KCTD16: variants seen among roughly 807,000 people sequenced by gnomAD.
The protein encoded by KCTD16 is BTB/POZ domain-containing protein KCTD16.
KCTD16 carries 13 observed loss-of-function variants against 33.2 expected under a neutral mutation model. That is an observed-to-expected ratio of 0.39 (90% CI 0.25 to 0.62). The LOEUF (loss-of-function observed/expected upper bound fraction) is 0.62, where lower values mean the gene tolerates loss of function less well. Among genes scored for constraint, KCTD16 ranks in the 20% least tolerant of loss-of-function variants. KCTD16 has a pLI of 0.50. For synonymous variants in KCTD16, 197 were observed against 195.3 expected, an observed-to-expected ratio of 1.01 and a Z score of -0.07; for missense variants, 441 against 525.1, an observed-to-expected ratio of 0.84 and a Z score of 1.57.
At chr5:144,195,416 T>C (rs1752922298) in intron 2 of KCTD16, among the ~76,000 whole-genome samples, 1 of 152,342 alleles carries the variant, frequency 6.6e-6, no homozygotes. Flanking sequence ...TGCAGCCTGC[T>C]TGCTACCATC....
At chr5:144,350,104 T>A (rs1280434221) in intron 3 of KCTD16, among the ~76,000 whole-genome samples, 1 of 152,210 alleles carries the variant, frequency 6.6e-6, no homozygotes, top group African/African-American at 2.4e-5. Context: ...GCTACAGAAT[T>A]ATCCAGAATA....
intron 3 of KCTD16, among the ~76,000 whole-genome samples, chr5:144,394,378 G>A (rs979922672): frequency 3.9e-5 from 6 of 152,118 alleles, no homozygotes; most frequent in Admixed American, 3.9e-4. Context: ...AGGAAGTCCA[G>A]GTTTCTTGAG....
At chr5:144,184,065 C>T (rs967492811) in intron 2 of KCTD16, among the ~76,000 whole-genome samples, 10 of 152,050 alleles carry the variant, frequency 6.6e-5, no homozygotes, top group Admixed American at 6.5e-5. Context: ...ACTATAAAGA[C>T]GTACTTTTTA....
chr5:144,331,248 A>G (rs29896), intron 3 of KCTD16, among the ~76,000 whole-genome samples: 42,050 of 152,032 alleles, frequency 0.28, 5,998 homozygotes, highest in Non-Finnish European at 0.3. Context: ...GGTCTTGTGG[A>G]CATGGTCTTT....
chr5:144,432,063 T>G (rs1184280531), intron 3 of KCTD16, among the ~76,000 whole-genome samples: 1 of 152,208 alleles, frequency 6.6e-6, no homozygotes, highest in African/African-American at 2.4e-5. Context: ...TGTGGTACTT[T>G]CTTCTTTTTC....
chr5:144,248,501 G>A (rs1754610275), intron 3 of KCTD16, among the ~76,000 whole-genome samples: 1 of 152,172 alleles, frequency 6.6e-6, no homozygotes, highest in Admixed American at 6.5e-5. Context: ...TAAGATGGGA[G>A]AACAATAGAA....
intron 3 of KCTD16, among the ~76,000 whole-genome samples, chr5:144,300,289 G>T (rs1751397453): frequency 6.6e-6 from 1 of 152,140 alleles, no homozygotes; most frequent in Non-Finnish European, 1.5e-5. Flanking sequence ...AAGATATTTT[G>T]TATCTGGCAT....
chr5:144,230,465 A>G lies in KCTD16; in HGVS notation c.832+22919A>G, dbSNP rs377027163. On this transcript the variant is annotated intron_variant, in intron 3 of 3. Coordinates refer to ENST00000512467, the MANE Select transcript of KCTD16 (RefSeq NM_020768.4). ...GGTGTGAATCCTCAGCCTTAAGTGG[A>G]TATCATTGGATTTATGCCAGTTGAG... is the stretch of plus-strand genomic sequence containing the variant. 3.9e-5 allele frequency among the ~76,000 whole-genome samples: 6 copies of G among 152,346 alleles called. No homozygotes were observed. In the South Asian group the frequency reaches 8.3e-4, roughly 21 times the overall value.
chr5:144,192,321 A>AGAAATGCT (rs1415017778), intron 2 of KCTD16, among the ~76,000 whole-genome samples: 1 of 152,216 alleles, frequency 6.6e-6, no homozygotes, highest in Non-Finnish European at 1.5e-5. Flanking sequence ...TTGATTTCTA[A>AGAAATGCT]GAAATGCTTA....
At chr5:144,177,052 T>G (rs1438334643) in intron 2 of KCTD16, among the ~76,000 whole-genome samples, 1 of 152,160 alleles carries the variant, frequency 6.6e-6, no homozygotes, top group African/African-American at 2.4e-5. Context: ...TTGTCAATTT[T>G]TTGTTGTTGT....
chr5:144,366,169 G>A (rs988459799), intron 3 of KCTD16, among the ~76,000 whole-genome samples: 1 of 152,168 alleles, frequency 6.6e-6, no homozygotes, highest in Non-Finnish European at 1.5e-5. Context: ...CAGTAAAAAT[G>A]TGTTATTATG....
At chr5:144,454,424 C>T (rs1464047388) in intron 3 of KCTD16, among the ~76,000 whole-genome samples, 1 of 152,148 alleles carries the variant, frequency 6.6e-6, no homozygotes, top group Non-Finnish European at 1.5e-5. Context: ...CACCATTTTC[C>T]ACCCCTGATA....
chr5:144,358,662 T>C (rs1751629621), intron 3 of KCTD16, among the ~76,000 whole-genome samples: 1 of 152,168 alleles, frequency 6.6e-6, no homozygotes, highest in Non-Finnish European at 1.5e-5. Flanking sequence ...TGGGGGCTTA[T>C]AAATGCATAA....
At chr5:144,181,034 G>A (rs1752613243) in intron 2 of KCTD16, among the ~76,000 whole-genome samples, 2 of 151,614 alleles carry the variant, frequency 1.3e-5, no homozygotes, top group Admixed American at 6.6e-5. Context: ...CCGGGTTCAC[G>A]CCATTCTCCT....
Position 144,447,831 on chromosome 5 carries a change from T to C in KCTD16, c.833-25829T>C, listed in dbSNP as rs142387445. Among the ~76,000 whole-genome samples the C allele has an allele frequency of 2.9e-4, 44 of 152,238 alleles. No individual in the cohort carries two copies. The East Asian group carries it at 8.5e-3, about 29-fold the overall frequency. ...GAAGTACGTGCTTCTGATAATGACC[T>C]AGAAGAATGGTTCCCCAACTTTGCT... On this transcript the variant is annotated intron_variant, in intron 3 of 3. Coordinates refer to ENST00000512467, the MANE Select transcript of KCTD16 (RefSeq NM_020768.4).
At chr5:144,281,468 G>T (rs1457172774) in intron 3 of KCTD16, among the ~76,000 whole-genome samples, 3 of 152,098 alleles carry the variant, frequency 2.0e-5, no homozygotes, top group Non-Finnish European at 4.4e-5. Flanking sequence ...ATTTAGAAGT[G>T]TGTTGTTTAA....
At chr5:144,407,687 C>G (rs1456327638) in intron 3 of KCTD16, among the ~76,000 whole-genome samples, 1 of 152,096 alleles carries the variant, frequency 6.6e-6, no homozygotes, top group African/African-American at 2.4e-5. Flanking sequence ...AATGCTTTCC[C>G]TCTCCTTGCC....
At chr5:144,368,318 T>C (rs976150983) in intron 3 of KCTD16, among the ~76,000 whole-genome samples, 2 of 152,100 alleles carry the variant, frequency 1.3e-5, no homozygotes, top group Non-Finnish European at 2.9e-5. Context: ...CATAATTACA[T>C]AAGCCCTTAA....
intron 3 of KCTD16, among the ~76,000 whole-genome samples, chr5:144,211,515 C>T (rs1561530773): frequency 6.6e-6 from 1 of 152,092 alleles, no homozygotes; most frequent in Admixed American, 6.6e-5. Context: ...ATTATTAAAA[C>T]TATTGTATAC....
Sources: gnomAD v4.1 joint callset for allele counts (sites outside exome capture counted in the v4.1 genomes callset) on GRCh38, gnomAD v4.1.1 for gene constraint, MANE v1.5 for transcripts, NCBI Gene and HGNC (gene_info 2026-07-23, HGNC 2026-07-21) for gene names.